The following SLC7A8 variants were observed in gnomAD, a reference collection of about 807,000 sequenced individuals.
SLC7A8 encodes the protein solute carrier family 7 member 8, also known as large neutral amino acids transporter small subunit 2.
SLC7A8 carries 30 observed loss-of-function variants against 51.2 expected under a neutral mutation model. The ratio of observed to expected loss-of-function variants is 0.59; its 90% CI spans 0.44 to 0.80. The LOEUF (loss-of-function observed/expected upper bound fraction) is 0.80, where lower values mean the gene tolerates loss of function less well. SLC7A8 is among the 30% of genes least tolerant of loss of function. The pLI, the probability that SLC7A8 is intolerant of heterozygous loss-of-function variation, is 0.00. For synonymous variants in SLC7A8, 257 were observed against 275.8 expected (o/e 0.93, Z 0.67); for missense variants, 612 against 674.4 (o/e 0.91, Z 1.03).
rs528880359 is a variant in SLC7A8 at position 23,180,201 on chromosome 14, C to T, written c.151+2563G>A. 2.2e-4 allele frequency among the ~76,000 whole-genome samples: 33 copies of T among 152,286 alleles called. No individual in the cohort carries two copies. The East Asian group carries it at 3.5e-3, about 16-fold the overall frequency. Reference sequence around the variant, plus strand: ...GATTACAGGTGTGAGCCACCGCACCCGGCCCTTTTTTTGCCTTTTAGTTCT... The same window carrying T: ...GATTACAGGTGTGAGCCACCGCACCTGGCCCTTTTTTTGCCTTTTAGTTCT... On this transcript the variant is annotated intron_variant, in intron 1 of 10. Transcript: ENST00000316902.
chr14:23,160,594 C>T (rs555477867), intron 3 of SLC7A8, among the ~76,000 whole-genome samples: 12 of 146,108 alleles, frequency 8.2e-5, no homozygotes, highest in East Asian at 3.9e-4. Context: ...AAAAAGGGCA[C>T]GCTGTAGGAA....
At chr14:23,151,414 T>C (rs1359386932) in intron 3 of SLC7A8, among the ~76,000 whole-genome samples, 1 of 152,072 alleles carries the variant, frequency 6.6e-6, no homozygotes, top group Non-Finnish European at 1.5e-5. Flanking sequence ...CAGACAGAGT[T>C]GTGGGGAGAG....
chr14:23,131,410 G>T, intron 8 of SLC7A8, 51 bp downstream of exon 8: 1 of 1,440,204 alleles, frequency 6.9e-7, no homozygotes, highest in Non-Finnish European at 9.4e-7. Context: ...GCTTAGACTA[G>T]GCACAAAGAG....
Position 23,158,341 on chromosome 14 carries a change from C to G in SLC7A8, c.508+6944G>C, listed in dbSNP as rs574412519. Among the ~76,000 whole-genome samples the G allele has an allele frequency of 2.0e-5, 3 of 152,312 alleles. No homozygotes were observed. The East Asian group carries it at 5.8e-4, about 29-fold the overall frequency. On this transcript the variant is annotated intron_variant, in intron 3 of 10. Transcript: ENST00000316902. The stretch of plus-strand genomic sequence containing the variant: ...GAGACCTGCTCAGCACCCCTCGGGG[C>G]TCTAGGGAGGACATGGAAGGCAGAC...
chr14:23,129,526 G>T (rs574188670), intron 9 of SLC7A8, 124 bp downstream of exon 9: 5 of 1,166,190 alleles, frequency 4.3e-6, no homozygotes, highest in Non-Finnish European at 6.1e-6. Flanking sequence ...CTTTCCAAAG[G>T]GTCTGCTACC....
chr14:23,165,523 T>C lies in SLC7A8; in HGVS notation c.357-87A>G, dbSNP rs1183876680. The C allele has an allele frequency of 2.3e-5, 32 of 1,407,272 alleles. No homozygotes were observed. The highest frequency in any genetic ancestry group is 3.1e-5 in the Admixed American group (1 of 32,682). 87.2% of individuals were successfully genotyped at this position (1,407,272 alleles called of 1,614,324 possible). A position where few individuals can be genotyped will look rare whatever the true frequency, so the allele number is the denominator to read the frequency against. ...AGCCCGGGCAAGTCATGCATCTCTT[T>C]TTTATTTTCAAGGATGCTGAAGAGC... On this transcript the variant is annotated intron_variant, in intron 2 of 10. Transcript: ENST00000316902. The surrounding 1 kb of genome is among the most constrained non-coding windows in gnomAD (Gnocchi z 4.2).
In SLC7A8 at chr14:23,183,113, G is replaced by GT; in HGVS notation, c.-200dup. ...GCATTCACACTTTCTGGTCACTCGC[G>GT]TTTACAAACAAGAAAAGTGTTGCTA... On this transcript the variant is annotated 5_prime_UTR_variant, in exon 1 of 11. The change abolishes the stop of an existing upstream ORF in the 5' untranslated region. Coordinates refer to ENST00000316902, the MANE Select transcript of SLC7A8 (RefSeq NM_012244.4). 1 of 142,756 alleles carries GT rather than the reference G, an allele frequency of 7.0e-6. No homozygotes were observed. The allele number at this position is 142,756 out of a possible 1,614,324, so 8.8% of individuals were successfully genotyped here. A position where few individuals can be genotyped will look rare whatever the true frequency, so the allele number is the denominator to read the frequency against.
intron 7 of SLC7A8, among the ~76,000 whole-genome samples, chr14:23,133,963 C>T (rs1003960449): frequency 6.0e-5 from 9 of 150,892 alleles, no homozygotes; most frequent in Admixed American, 2.6e-4. Flanking sequence ...TTTTTTGAGA[C>T]ATGGTCTTGC....
At chr14:23,129,594 A>T (rs1427244704) in intron 9 of SLC7A8, 56 bp downstream of exon 9, 2 of 1,580,500 alleles carry the variant, frequency 1.3e-6, no homozygotes, top group African/African-American at 2.7e-5. Context: ...AAAAATCTGA[A>T]CTGCAGCTAG....
rs527860561 is a variant in SLC7A8 at position 23,165,563 on chromosome 14, C to A, written c.357-127G>T. 9 of 962,222 alleles carry A rather than the reference C, an allele frequency of 9.4e-6. No individual in the cohort carries two copies. The African/African-American group carries it at 1.4e-4, about 15-fold the overall frequency. 59.6% of individuals were successfully genotyped at this position (962,222 alleles called of 1,614,324 possible). ...TGCTGAAGAGCCCAGCCTCTGCCCC[C>A]ACCCACAAATGAGACACCCAGCCCT... On this transcript the variant is annotated intron_variant, in intron 2 of 10. Transcript: ENST00000316902. This position sits in a 1 kb window ranked among gnomAD's most constrained non-coding sequence, Gnocchi z 4.2.
At chr14:23,173,240 A>C (rs934889134) in intron 1 of SLC7A8, among the ~76,000 whole-genome samples, 10 of 152,234 alleles carry the variant, frequency 6.6e-5, no homozygotes, top group African/African-American at 2.2e-4. Context: ...ACCACCACGC[A>C]GAGCAGAAGC....
chr14:23,157,623 T>C (rs2048901001), intron 3 of SLC7A8, among the ~76,000 whole-genome samples: 1 of 152,188 alleles, frequency 6.6e-6, no homozygotes, highest in South Asian at 2.1e-4. Flanking sequence ...CACAAACAAC[T>C]GTGATTTTTC....
At position 23,129,639 on chromosome 14, in the gene SLC7A8, G is replaced by A. The variant is rs1012677293; in HGVS notation, c.1263+11C>T. 1.2e-6 allele frequency: 2 copies of A among 1,613,574 alleles called. No homozygotes were observed. Among genetic ancestry groups the A allele is most frequent in the Admixed American group, 3.3e-5 (2 of 59,924 alleles). The stretch of plus-strand genomic sequence containing the variant: ...GGAAGGGGAGGGGACCCCAAAGGGA[G>A]TTTCTCTCACCTTGATGGGGCGGGG... On this transcript the variant is annotated intron_variant, in intron 9 of 10. Coordinates refer to ENST00000316902, the MANE Select transcript of SLC7A8 (RefSeq NM_012244.4).
chr14:23,151,286 C>T (rs1016246979), intron 3 of SLC7A8, among the ~76,000 whole-genome samples: 39 of 152,172 alleles, frequency 2.6e-4, no homozygotes, highest in Non-Finnish European at 5.3e-4. Context: ...GATACATCTA[C>T]ACAGAAAATT....
At position 23,137,940 on chromosome 14, in the gene SLC7A8, A is replaced by T. The variant is rs566238436; in HGVS notation, c.997T>A (p.Ser333Thr). The T allele has an allele frequency of 9.9e-6, 16 of 1,613,742 alleles. No individual in the cohort carries two copies. In the Admixed American group the frequency reaches 2.3e-4, roughly 24 times the overall value. The change falls in exon 7 of 11, where the codon TCT becomes ACT. Residue 333 changes from serine (S) to threonine (T), a missense_variant. By Grantham distance (58) the Ser-to-Thr change is moderately conservative. Coordinates refer to ENST00000316902, the MANE Select transcript of SLC7A8 (RefSeq NM_012244.4). ...ACTCACCGAGAGGAGGTGAAGAGAG[A>T]CCCATTAACTCCTCCAAATGTGGAC... ...ALSTFGGVNG[S>T]LFTSSRLFFA...
At chr14:23,134,154 CTGAT>C (rs71115598) in intron 7 of SLC7A8, among the ~76,000 whole-genome samples, 59,242 of 151,574 alleles carry the variant, frequency 0.39, 12,864 homozygotes, top group Non-Finnish European at 0.5. Flanking sequence ...AAAATGCTAA[CTGAT>C]TGTCTCTGGG....
intron 3 of SLC7A8, among the ~76,000 whole-genome samples, chr14:23,156,003 CTT>C (rs556425559): frequency 6.9e-6 from 1 of 145,384 alleles, no homozygotes; most frequent in Non-Finnish European, 1.5e-5. Context: ...CTTTTCTTTT[CTT>C]TTTTTTTTTT....
At position 23,130,761 on chromosome 14, in the gene SLC7A8, TG is replaced by T. The variant is rs112727470; in HGVS notation, c.1113+699del. Among the ~76,000 whole-genome samples, 828 of 152,330 alleles carry T rather than the reference TG, an allele frequency of 5.4e-3. 4 individuals carry two copies. The highest frequency in any genetic ancestry group is 0.019 in the African/African-American group (797 of 41,556). On this transcript the variant is annotated intron_variant, in intron 8 of 10. Coordinates refer to ENST00000316902, the MANE Select transcript of SLC7A8 (RefSeq NM_012244.4). Reference sequence around the variant, plus strand: ...CTCCCAAGAGCTCTGTTATTCTGATTGCTAACTGCTTCACCAGTGGACCAAA... The same window carrying T: ...CTCCCAAGAGCTCTGTTATTCTGATTCTAACTGCTTCACCAGTGGACCAAA...
intron 8 of SLC7A8, 139 bp from the exon 9 acceptor site, chr14:23,129,938 CCCCTAGTAA>C: frequency 1.2e-6 from 1 of 807,042 alleles, no homozygotes; most frequent in Non-Finnish European, 2.0e-6. Context: ...TTTAGAACCT[CCCCTAGTAA>C]CCCAATATGT....
Sources: allele counts gnomAD v4.1 joint callset (sites outside exome capture counted in the v4.1 genomes callset), GRCh38; gene constraint gnomAD v4.1.1; non-coding constraint Gnocchi (gnomAD v3.1); transcripts MANE v1.5; gene names NCBI Gene and HGNC (gene_info 2026-07-23, HGNC 2026-07-21).